Variants in SLC24A4 observed in about 807,000 individuals in gnomAD.
SLC24A4 encodes sodium/potassium/calcium exchanger 4.
A neutral mutation model predicts 79.0 loss-of-function variants in SLC24A4; 53 were observed. The observed-to-expected ratio is 0.67, with a 90% CI of 0.54 to 0.84. The LOEUF is 0.84. Ranked by LOEUF, SLC24A4 falls within the 40% of genes least tolerant of loss-of-function variation. The pLI, the probability that SLC24A4 is intolerant of heterozygous loss-of-function variation, is 0.00. For missense variants in SLC24A4, 731 were observed against 822.0 expected (o/e 0.89, Z 1.35); for synonymous variants, 323 against 323.8 (o/e 1.00, Z 0.03).
intron 12 of SLC24A4, among the ~76,000 whole-genome samples, chr14:92,467,683 G>T (rs1024612637): frequency 1.3e-5 from 2 of 152,168 alleles, no homozygotes; most frequent in African/African-American, 4.8e-5. Flanking sequence ...TGTAGCATGT[G>T]CTGGGAGGAA....
In SLC24A4 at chr14:92,359,038, A is replaced by C. The variant is rs76654921; in HGVS notation, c.241+33060A>C. On this transcript the variant is annotated intron_variant, in intron 2 of 16. Coordinates refer to ENST00000532405, the MANE Select transcript of SLC24A4 (RefSeq NM_153646.4). ...CAGGTCTCCAGGCCCAGCCACCATC[A>C]TTTCTAACGGATTCTAGGGTGATCA... Among the ~76,000 whole-genome samples the C allele has an allele frequency of 6.0e-3, 920 of 152,110 alleles. 11 individuals are homozygous for C. Among genetic ancestry groups the C allele is most frequent in the African/African-American group, 0.02 (842 of 41,476 alleles).
chr14:92,443,328 G>C lies in SLC24A4; in HGVS notation c.583-72G>C, dbSNP rs1481664041. 2.1e-6 allele frequency: 3 copies of C among 1,448,498 alleles called. No individual in the cohort carries two copies. The African/African-American group carries it at 4.2e-5, about 20-fold the overall frequency. 89.7% of individuals were successfully genotyped at this position (1,448,498 alleles called of 1,614,324 possible). On this transcript the variant is annotated intron_variant, in intron 6 of 16. Coordinates refer to ENST00000532405, the MANE Select transcript of SLC24A4 (RefSeq NM_153646.4). ...GGGCATGCCCTGCACTGCGGGGGGA[G>C]GAGGCCTGGGCAGCTGCACCCCCTC...
intron 2 of SLC24A4, among the ~76,000 whole-genome samples, chr14:92,427,914 C>A (rs1459947720): frequency 6.6e-6 from 1 of 152,092 alleles, no homozygotes; most frequent in Non-Finnish European, 1.5e-5. Context: ...TAAAAGAGAC[C>A]CCAGAGAGCT....
chr14:92,447,968 T>G (rs760656369), intron 9 of SLC24A4, among the ~76,000 whole-genome samples: 5 of 152,014 alleles, frequency 3.3e-5, no homozygotes, highest in African/African-American at 1.2e-4. Flanking sequence ...AAACTACCCA[T>G]GAGGAATACT....
intron 12 of SLC24A4, among the ~76,000 whole-genome samples, chr14:92,470,831 C>G (rs1894402534): frequency 6.6e-6 from 1 of 152,192 alleles, no homozygotes; most frequent in African/African-American, 2.4e-5. Flanking sequence ...TAAAGAACCC[C>G]TATTCAGGCC....
chr14:92,429,497 G>A (rs1595266651), intron 2 of SLC24A4, among the ~76,000 whole-genome samples: 1 of 152,214 alleles, frequency 6.6e-6, no homozygotes, highest in East Asian at 1.9e-4. Context: ...TAAGTGACAG[G>A]TTTTCTCTGG....
chr14:92,338,524 G>C (rs1885944825), intron 2 of SLC24A4, among the ~76,000 whole-genome samples: 1 of 152,180 alleles, frequency 6.6e-6, no homozygotes, highest in Non-Finnish European at 1.5e-5. Flanking sequence ...AGAATAGAAA[G>C]AGAAAGACCA....
intron 9 of SLC24A4, among the ~76,000 whole-genome samples, chr14:92,448,381 A>ACACACACACACACACACACACACACAC (rs1555371204): frequency 3.1e-5 from 1 of 31,792 alleles, no homozygotes; most frequent in African/African-American, 1.1e-4. Flanking sequence ...CACACACACA[A>ACACACACACACACACACACACACACAC]ATCCCTACTC....
intron 2 of SLC24A4, among the ~76,000 whole-genome samples, chr14:92,414,527 G>A (rs1432952050): frequency 1.3e-5 from 2 of 152,176 alleles, no homozygotes; most frequent in African/African-American, 2.4e-5. Context: ...GTTAAGTCCC[G>A]GAGTACGAGA....
rs990992601 is a variant in SLC24A4 at position 92,361,174 on chromosome 14, CAT to C, written c.241+35197_241+35198del. On this transcript the variant is annotated intron_variant, in intron 2 of 16. Coordinates refer to ENST00000532405, the MANE Select transcript of SLC24A4 (RefSeq NM_153646.4). ...TTCCTGCAGTTGGCATCATTCCCCA[CAT>C]GTTTCTCATCTCGAGGATGTTGACC... Among the ~76,000 whole-genome samples, 12 of 151,722 alleles carry C rather than the reference CAT, an allele frequency of 7.9e-5. No homozygotes were observed. In the South Asian group the frequency reaches 8.3e-4, roughly 11 times the overall value.
At chr14:92,454,268 C>T (rs971707775) in intron 11 of SLC24A4, among the ~76,000 whole-genome samples, 199 bp downstream of exon 11, 2 of 152,222 alleles carry the variant, frequency 1.3e-5, no homozygotes, top group African/African-American at 4.8e-5. Flanking sequence ...CAATCGAATA[C>T]CTTGCCTGAG....
At chr14:92,454,158 C>A in intron 11 of SLC24A4, 89 bp downstream of exon 11, 1 of 1,382,138 alleles carries the variant, frequency 7.2e-7, no homozygotes, top group Non-Finnish European at 9.9e-7. Flanking sequence ...CCATTGATCA[C>A]TGCACCTGTT....
At chr14:92,461,972 T>C (rs1242632235) in intron 12 of SLC24A4, among the ~76,000 whole-genome samples, 1 of 152,260 alleles carries the variant, frequency 6.6e-6, no homozygotes, top group Non-Finnish European at 1.5e-5. Context: ...CTCTGAGTAC[T>C]GCCTCTTCAT....
At chr14:92,339,173 G>A (rs1027742711) in intron 2 of SLC24A4, among the ~76,000 whole-genome samples, 2 of 152,162 alleles carry the variant, frequency 1.3e-5, no homozygotes, top group Non-Finnish European at 2.9e-5. Flanking sequence ...CCCGGCCTCC[G>A]GGGAGCTTCC....
At chr14:92,422,503 A>C (rs1035786311) in intron 2 of SLC24A4, among the ~76,000 whole-genome samples, 6 of 152,228 alleles carry the variant, frequency 3.9e-5, no homozygotes, top group African/African-American at 1.4e-4. Flanking sequence ...CAAATTACTT[A>C]ACCTTTCTGT....
chr14:92,323,987 C>A lies in SLC24A4; in HGVS notation c.130+27C>A. Reference sequence around the variant, plus strand: ...TGGGTGCTGGTACGGGTCCCCTCTTCCTGGGGAGTTGGGGGCTTTGGCTGG... The same window carrying A: ...TGGGTGCTGGTACGGGTCCCCTCTTACTGGGGAGTTGGGGGCTTTGGCTGG... On this transcript the variant is annotated intron_variant, in intron 1 of 16. Coordinates refer to ENST00000532405, the MANE Select transcript of SLC24A4 (RefSeq NM_153646.4). This position sits in a 1 kb window ranked among gnomAD's most constrained non-coding sequence, Gnocchi z 4.9. 6.2e-7 allele frequency: 1 copy of A among 1,602,906 alleles called. No homozygotes were observed. Among genetic ancestry groups the A allele is most frequent in the Non-Finnish European group, 8.5e-7 (1 of 1,175,700 alleles).
intron 2 of SLC24A4, among the ~76,000 whole-genome samples, chr14:92,400,353 T>C (rs926471298): frequency 2.7e-5 from 4 of 149,584 alleles, no homozygotes; most frequent in African/African-American, 7.4e-5. Context: ...GCAGGAGAAT[T>C]GCTTCAACAT....
Position 92,324,242 on chromosome 14 carries a change from G to A in SLC24A4, c.130+282G>A, listed in dbSNP as rs536197720. ...CGAAAGCAAGAACCGCTTCCGTCCC[G>A]GGAGTGCGCCCGGAATGGGCAGCGC... On this transcript the variant is annotated intron_variant, in intron 1 of 16. Transcript: ENST00000532405. Among the ~76,000 whole-genome samples, 7 of 152,330 alleles carry A rather than the reference G, an allele frequency of 4.6e-5. No individual in the cohort carries two copies. In the South Asian group the frequency reaches 1.5e-3, roughly 32 times the overall value.
chr14:92,457,750 T>C (rs1893566197), intron 12 of SLC24A4, among the ~76,000 whole-genome samples: 1 of 152,238 alleles, frequency 6.6e-6, no homozygotes, highest in African/African-American at 2.4e-5. Context: ...TTTTCTGATG[T>C]CCACCATCCT....
Sources: allele counts gnomAD v4.1 joint callset (sites outside exome capture counted in the v4.1 genomes callset), GRCh38; gene constraint gnomAD v4.1.1; non-coding constraint Gnocchi (gnomAD v3.1); transcripts MANE v1.5; gene names NCBI Gene and HGNC (gene_info 2026-07-23, HGNC 2026-07-21).